The following TMEM92 variants were observed in gnomAD, a reference collection of about 807,000 sequenced individuals.
The protein encoded by TMEM92 is transmembrane protein 92.
In TMEM92, 15 loss-of-function variants were observed where a neutral mutation model predicts 14.6. The observed-to-expected ratio is 1.03, with a 90% CI of 0.69 to 1.58. TMEM92 has a LOEUF of 1.58. Ranked by LOEUF, TMEM92 falls within the 40% of genes most tolerant of loss-of-function variation. The pLI is 0.00. For missense variants in TMEM92, 174 were observed against 202.4 expected, an observed-to-expected ratio of 0.86 and a Z score of 0.85; for synonymous variants, 85 against 83.3, an observed-to-expected ratio of 1.02 and a Z score of -0.11.
chr17:50,274,631 G>T, intron 1 of TMEM92, 61 bp downstream of exon 1: 2 of 1,464,864 alleles, frequency 1.4e-6, no homozygotes, highest in South Asian at 1.2e-5. Context: ...TCAGGAGCCT[G>T]CTTCTGGAGC....
chr17:50,272,153 G>T (rs768957224), upstream of TMEM92, among the ~76,000 whole-genome samples: 14 of 152,110 alleles, frequency 9.2e-5, no homozygotes, highest in Non-Finnish European at 2.1e-4. Context: ...TGATGCCAGA[G>T]ACCCAGAGAG....
At chr17:50,271,953 T>C (rs750963524), upstream of TMEM92, among the ~76,000 whole-genome samples, 3 of 152,114 alleles carry the variant, frequency 2.0e-5, no homozygotes, top group Non-Finnish European at 4.4e-5. Context: ...AGCATGAGAA[T>C]TGCTTGAATC....
Position 50,279,521 on chromosome 17 carries a change from A to AC in TMEM92, c.*219dup. ...TAGGCTGGAGTGACAGTTTCCGCCCACCCCCCAGCCCAAGAAAGAGGCTGC... is the reference window on the plus strand; with the variant it reads ...TAGGCTGGAGTGACAGTTTCCGCCCACCCCCCCAGCCCAAGAAAGAGGCTGC... On this transcript the variant is annotated 3_prime_UTR_variant, in exon 5 of 5. Coordinates refer to ENST00000507382, the MANE Select transcript of TMEM92 (RefSeq NM_153229.3). 2 of 514,978 alleles carry AC rather than the reference A, an allele frequency of 3.9e-6. No homozygotes were observed. Among genetic ancestry groups the AC allele is most frequent in the Non-Finnish European group, 3.4e-6 (1 of 290,874 alleles). 31.9% of individuals were successfully genotyped at this position (514,978 alleles called of 1,614,324 possible). A position where few individuals can be genotyped will look rare whatever the true frequency, so the allele number is the denominator to read the frequency against.
At position 50,277,716 on chromosome 17, in the gene TMEM92, T is replaced by C; in HGVS notation, c.71T>C (p.Ile24Thr). Residue 24 changes from isoleucine to threonine, a missense_variant and splice_region_variant, in exon 2 of 5, where the codon ATT (isoleucine) becomes ACT (threonine). Ile to Thr is a moderately conservative substitution (Grantham distance 89). Transcript: ENST00000507382. Reference sequence around the variant, plus strand: ...CCCGACCTCTCTTTTCTTCCACAGATTGCAGCCAAATGTGGTCTCATCCTG... The same window carrying C: ...CCCGACCTCTCTTTTCTTCCACAGACTGCAGCCAAATGTGGTCTCATCCTG... ...LFSLLAGPQK[I>T]AAKCGLILAC... 5.0e-6 allele frequency: 8 copies of C among 1,613,890 alleles called. No homozygotes were observed. The highest frequency in any genetic ancestry group is 6.8e-6 in the Non-Finnish European group (8 of 1,179,920).
chr17:50,271,992 A>G (rs1379137076), upstream of TMEM92, among the ~76,000 whole-genome samples: 1 of 152,120 alleles, frequency 6.6e-6, no homozygotes, highest in Non-Finnish European at 1.5e-5. Flanking sequence ...GTGAGCTCAC[A>G]CCACTCCATT....
chr17:50,275,981 A>T (rs545116259), intron 1 of TMEM92, among the ~76,000 whole-genome samples: 1 of 152,176 alleles, frequency 6.6e-6, no homozygotes, highest in Admixed American at 6.5e-5. Flanking sequence ...CAATACAAAA[A>T]TTAGCCAGGC....
chr17:50,277,081 A>G (rs1300214134), intron 1 of TMEM92, among the ~76,000 whole-genome samples: 1 of 152,096 alleles, frequency 6.6e-6, no homozygotes, highest in Non-Finnish European at 1.5e-5. Flanking sequence ...GGGGAAGCTG[A>G]TTTGGGAGGC....
In TMEM92 at chr17:50,278,904, G is replaced by A. The variant is rs1243120468; in HGVS notation, c.274G>A (p.Val92Met). Residue 92 changes from valine to methionine, a missense_variant, in exon 4 of 5, where the codon GTG (valine) becomes ATG (methionine). Val to Met is a conservative substitution (Grantham distance 21, BLOSUM62 1). Coordinates refer to ENST00000507382, the MANE Select transcript of TMEM92 (RefSeq NM_153229.3). Reference protein sequence around the residue: ...NCREPEPDSPVDCRGPLELPS... With the variant: ...NCREPEPDSPMDCRGPLELPS... ...CAGAGAGCCGGAGCCAGACAGCCCA[G>A]TGGATTGCCGGGGGCCCCTGGAACT... 2 of 1,613,804 alleles carry A rather than the reference G, an allele frequency of 1.2e-6. No individual in the cohort carries two copies. The highest frequency in any genetic ancestry group is 1.1e-5 in the South Asian group (1 of 91,074).
intron 1 of TMEM92, among the ~76,000 whole-genome samples, chr17:50,276,171 AG>A (rs1910426103): frequency 6.6e-6 from 1 of 152,168 alleles, no homozygotes; most frequent in Non-Finnish European, 1.5e-5. Context: ...GAATAGAGAC[AG>A]GGTCTCGCTA....
Position 50,278,544 on chromosome 17 carries a change from C to T in TMEM92, c.96-12C>T. 6.2e-7 allele frequency: 1 copy of T among 1,613,140 alleles called. No homozygotes were observed. Among genetic ancestry groups the T allele is most frequent in the Non-Finnish European group, 8.5e-7 (1 of 1,179,460 alleles). On this transcript the variant is annotated splice_polypyrimidine_tract_variant and intron_variant, in intron 2 of 4. Transcript: ENST00000507382. Reference sequence around the variant, plus strand: ...CAACTTCTCCTTGCCCTTTTCTGTGCCCTCTGACCAGTGCCTGCCCCAAAG... The same window carrying T: ...CAACTTCTCCTTGCCCTTTTCTGTGTCCTCTGACCAGTGCCTGCCCCAAAG...
Position 50,280,452 on chromosome 17 carries a change from T to C in TMEM92, c.*1144T>C, listed in dbSNP as rs1281572977. 2 of 152,438 alleles carry C rather than the reference T, an allele frequency of 1.3e-5. No homozygotes were observed. Among genetic ancestry groups the C allele is most frequent in the Non-Finnish European group, 2.9e-5 (2 of 68,098 alleles). The allele number at this position is 152,438 out of a possible 1,614,324, so 9.4% of individuals were successfully genotyped here. On this transcript the variant is annotated 3_prime_UTR_variant, in exon 5 of 5. Coordinates refer to ENST00000507382, the MANE Select transcript of TMEM92 (RefSeq NM_153229.3). ...GACCCATGGGGGCCTGGCATAGTCA[T>C]GCAGAATGGGGCGGGACAATGCCAA...
intron 1 of TMEM92, among the ~76,000 whole-genome samples, chr17:50,276,534 A>C (rs1380390598): frequency 1.3e-5 from 2 of 152,344 alleles, no homozygotes; most frequent in East Asian, 3.9e-4. Flanking sequence ...ATAAAGATAA[A>C]GATAACGGTG....
In TMEM92 at chr17:50,279,537, AAG is replaced by A. The variant is rs1567788977; in HGVS notation, c.*232_*233del. The stretch of plus-strand genomic sequence containing the variant: ...TTTCCGCCCACCCCCCAGCCCAAGA[AAG>A]AGGCTGCCGGAAAGAAAATGCTGAC... On this transcript the variant is annotated 3_prime_UTR_variant, in exon 5 of 5. Coordinates refer to ENST00000507382, the MANE Select transcript of TMEM92 (RefSeq NM_153229.3). 1 of 496,248 alleles carries A rather than the reference AAG, an allele frequency of 2.0e-6. No individual in the cohort carries two copies. Among genetic ancestry groups the A allele is most frequent in the Non-Finnish European group, 3.6e-6 (1 of 278,014 alleles). 30.7% of individuals were successfully genotyped at this position (496,248 alleles called of 1,614,324 possible). A position where few individuals can be genotyped will look rare whatever the true frequency, so the allele number is the denominator to read the frequency against.
At chr17:50,272,756 G>A (rs768885468), upstream of TMEM92, among the ~76,000 whole-genome samples, 14 of 152,114 alleles carry the variant, frequency 9.2e-5, no homozygotes, top group Non-Finnish European at 1.8e-4. Flanking sequence ...GAAACAGACC[G>A]AGAGACTGGG....
rs1324589131 is a variant in TMEM92 at position 50,279,273 on chromosome 17, G to A, written c.445G>A (p.Gly149Arg). The change falls in exon 5 of 5, where the codon GGG (glycine) becomes AGG (arginine). Residue 149 changes from glycine to arginine, a missense_variant. Physicochemically the swap from Gly to Arg is moderately radical, Grantham distance 125. Coordinates refer to ENST00000507382, the MANE Select transcript of TMEM92 (RefSeq NM_153229.3). ...CAGCTTCAGGCCTGAAGAATATACC[G>A]GGGATCAGAGGGGCATTGACAACCC... ...PYSFRPEEYT[G>R]DQRGIDNPAF 26 of 1,613,508 alleles carry A rather than the reference G, an allele frequency of 1.6e-5. No homozygotes were observed. The highest frequency in any genetic ancestry group is 1.6e-4 in the Middle Eastern group (1 of 6,074).
At position 50,280,071 on chromosome 17, in the gene TMEM92, C is replaced by T. The variant is rs889985853; in HGVS notation, c.*763C>T. On this transcript the variant is annotated 3_prime_UTR_variant, in exon 5 of 5. Coordinates refer to ENST00000507382, the MANE Select transcript of TMEM92 (RefSeq NM_153229.3). ...GTCCCTTGTGTGGGTTTCCCAATCC[C>T]TTCCGCCCAAGGCTTTCCTGGGACA... The T allele has an allele frequency of 9.8e-5, 15 of 152,376 alleles. No individual in the cohort carries two copies. The highest frequency in any genetic ancestry group is 3.9e-4 in the Admixed American group (6 of 15,306). 9.4% of individuals were successfully genotyped at this position (152,376 alleles called of 1,614,324 possible).
rs368920477 is a variant in TMEM92, at chr17:50,278,947, C to G, written c.317C>G (p.Pro106Arg). The G allele has an allele frequency of 2.1e-5, 34 of 1,613,034 alleles. No individual in the cohort carries two copies. Among genetic ancestry groups the G allele is most frequent in the Non-Finnish European group, 2.3e-5 (27 of 1,179,562 alleles). ...GPLELPSIIPPERVRVSLSAP... is the reference protein window; with the variant it reads ...GPLELPSIIPRERVRVSLSAP... Reference sequence around the variant, plus strand: ...CTGGAACTGCCCTCCATCATCCCCCCAGAGAGGGTCAGAGTATCCCTTTCT... The same window carrying G: ...CTGGAACTGCCCTCCATCATCCCCCGAGAGAGGGTCAGAGTATCCCTTTCT... The change falls in exon 4 of 5, where the codon CCA becomes CGA. Residue 106 changes from proline to arginine, a missense_variant. Coordinates refer to ENST00000507382, the MANE Select transcript of TMEM92 (RefSeq NM_153229.3).
rs559956221 is a variant in TMEM92 at position 50,280,742 on chromosome 17, G to A, written c.*1434G>A. On this transcript the variant is annotated 3_prime_UTR_variant, in exon 5 of 5. Transcript: ENST00000507382. ...GAGCTGGGGGCAGCTTGATGGCACA[G>A]GCAGCCCCAAAGATGCCAGGAACAG... 1 of 152,710 alleles carries A rather than the reference G, an allele frequency of 6.5e-6. No individual in the cohort carries two copies. Among genetic ancestry groups the A allele is most frequent in the East Asian group, 1.9e-4 (1 of 5,182 alleles). 9.5% of individuals were successfully genotyped at this position (152,710 alleles called of 1,614,324 possible).
chr17:50,276,970 A>G (rs566144420), intron 1 of TMEM92, among the ~76,000 whole-genome samples: 29 of 152,158 alleles, frequency 1.9e-4, no homozygotes, highest in Non-Finnish European at 3.5e-4. Context: ...AGCCACCTAG[A>G]AGAGTGTTCC....
Sources: allele counts gnomAD v4.1 joint callset (sites outside exome capture counted in the v4.1 genomes callset), GRCh38; gene constraint gnomAD v4.1.1; transcripts MANE v1.5; gene names NCBI Gene and HGNC (gene_info 2026-07-23, HGNC 2026-07-21).